The following FAAH2 variants were observed in gnomAD, a reference collection of about 807,000 sequenced individuals.
FAAH2 encodes fatty acid amide hydrolase 2.
In FAAH2, 60 loss-of-function variants were observed where a neutral mutation model predicts 36.9. That is an observed-to-expected ratio of 1.63 (90% CI 1.32 to 2.02). The LOEUF (loss-of-function observed/expected upper bound fraction) is 2.02. FAAH2 is among the 30% of genes most tolerant of loss of function. FAAH2 has a pLI of 0.00. For missense variants in FAAH2, 689 were observed against 397.5 expected, an observed-to-expected ratio of 1.73 and a Z score of -6.23; for synonymous variants, 214 against 143.8, an observed-to-expected ratio of 1.49 and a Z score of -3.49.
At chrX:57,486,993 A>C (rs1237440113) in intron 10 of FAAH2, among the ~76,000 whole-genome samples, 1 of 111,755 alleles carries the variant, frequency 8.9e-6, no homozygotes, top group East Asian at 2.8e-4. Context: ...CTCTCAATTT[A>C]CTTTTAATAA....
At chrX:57,470,551 A>T (rs779602453) in intron 10 of FAAH2, among the ~76,000 whole-genome samples, 2 of 111,414 alleles carry the variant, frequency 1.8e-5, no homozygotes, top group East Asian at 5.7e-4. Context: ...AACCAGGAAG[A>T]ACATGAATCC....
chrX:57,233,928 G>C, the FAAH2 span, among the ~76,000 whole-genome samples: 1 of 113,201 alleles, frequency 8.8e-6, no homozygotes, highest in Admixed American at 9.3e-5. Context: ...TTACAGGCAT[G>C]AGCCATTGTG....
chrX:57,149,720 A>T, the FAAH2 span, among the ~76,000 whole-genome samples: 3 of 111,088 alleles, frequency 2.7e-5, no homozygotes, highest in African/African-American at 9.8e-5. Flanking sequence ...TCCTGGATTC[A>T]TTAATTTTTT....
At chrX:57,465,145 G>A (rs2057027462) in intron 10 of FAAH2, among the ~76,000 whole-genome samples, 2 of 111,372 alleles carry the variant, frequency 1.8e-5, no homozygotes, top group South Asian at 7.4e-4. Context: ...TTAAATGGAA[G>A]AATAAAGAGG....
upstream of FAAH2, among the ~76,000 whole-genome samples, chrX:57,283,088 T>C (rs1024349775): frequency 1.8e-5 from 2 of 112,055 alleles, no homozygotes; most frequent in Admixed American, 9.4e-5. Flanking sequence ...GCCCAAGCCA[T>C]GGGAACCTGC....
chrX:57,325,320 CCAGG>C, intron 3 of FAAH2, among the ~76,000 whole-genome samples: 1 of 111,089 alleles, frequency 9.0e-6, no homozygotes, highest in South Asian at 3.8e-4. Flanking sequence ...TGTGTCTCTG[CCAGG>C]CTTTGGTATC....
the FAAH2 span, among the ~76,000 whole-genome samples, chrX:57,209,865 TG>T: frequency 8.1e-5 from 9 of 111,000 alleles, 1 homozygote; most frequent in South Asian, 3.1e-3. Context: ...TTTGAACTGC[TG>T]GTATTGGCGA....
chrX:57,226,363 ATATT>A, the FAAH2 span, among the ~76,000 whole-genome samples: 1 of 111,872 alleles, frequency 8.9e-6, no homozygotes, highest in Non-Finnish European at 1.9e-5. Context: ...AATTCTCTCA[ATATT>A]TGTTTGTCTG....
the FAAH2 span, among the ~76,000 whole-genome samples, chrX:57,257,502 A>G: frequency 3.7e-5 from 4 of 109,483 alleles, no homozygotes; most frequent in African/African-American, 1.3e-4. Flanking sequence ...ATGAGAACAC[A>G]TGGACACAGG....
intron 8 of FAAH2, among the ~76,000 whole-genome samples, chrX:57,444,103 C>G (rs964721609): frequency 1.8e-4 from 20 of 111,967 alleles, no homozygotes; most frequent in Non-Finnish European, 3.6e-4. Flanking sequence ...AGATCTCAAA[C>G]TGCATGCTGG....
chrX:57,216,126 A>G, the FAAH2 span, among the ~76,000 whole-genome samples: 2 of 107,815 alleles, frequency 1.9e-5, no homozygotes, highest in Non-Finnish European at 3.8e-5. Flanking sequence ...TTTTTTTTAA[A>G]TTTTGTTTTT....
At chrX:57,435,491 G>T (rs1419708692) in intron 8 of FAAH2, among the ~76,000 whole-genome samples, 1 of 110,079 alleles carries the variant, frequency 9.1e-6, no homozygotes, top group Non-Finnish European at 1.9e-5. Context: ...TGAGAGAAAA[G>T]GGTTGAAAAA....
At chrX:57,468,175 T>TA (rs2057087039) in intron 10 of FAAH2, among the ~76,000 whole-genome samples, 1 of 111,396 alleles carries the variant, frequency 9.0e-6, no homozygotes. Context: ...CTGAAAATTC[T>TA]AAAAATCAGA....
chrX:57,446,043 C>G lies in FAAH2; in HGVS notation c.1117-885C>G, dbSNP rs747183453. ...CTCATTCAGAACTGCTCTAAATGTT[C>G]CCTGCTTTGGTGCTAGCATAATTTT... is the stretch of plus-strand genomic sequence containing the variant. On this transcript the variant is annotated intron_variant, in intron 8 of 10. Transcript: ENST00000374900. Among the ~76,000 whole-genome samples the G allele has an allele frequency of 8.0e-5, 9 of 112,427 alleles. 1 individual carries two copies. The Admixed American group carries it at 8.5e-4, about 11-fold the overall frequency.
the FAAH2 span, among the ~76,000 whole-genome samples, chrX:57,124,613 A>G: frequency 1.8e-5 from 2 of 111,701 alleles, no homozygotes; most frequent in Non-Finnish European, 3.8e-5. Flanking sequence ...CATTTTCACG[A>G]TATTGATTCT....
At chrX:57,284,396 AAACAACAAC>A (rs201402751), upstream of FAAH2, among the ~76,000 whole-genome samples, 2 of 107,108 alleles carry the variant, frequency 1.9e-5, no homozygotes, top group Non-Finnish European at 3.8e-5. Context: ...TAACAAAACA[AAACAACAAC>A]AACAACAACA....
intron 7 of FAAH2, among the ~76,000 whole-genome samples, chrX:57,395,908 TTAAG>T (rs2055283689): frequency 8.9e-6 from 1 of 112,018 alleles, no homozygotes; most frequent in Non-Finnish European, 1.9e-5. Context: ...TTGGCATAAT[TTAAG>T]TAAGATTGGG....
intron 7 of FAAH2, among the ~76,000 whole-genome samples, chrX:57,422,549 C>T (rs936731042): frequency 1.8e-5 from 2 of 111,765 alleles, no homozygotes; most frequent in African/African-American, 6.5e-5. Context: ...TTCATGGACT[C>T]ACTGTACACG....
chrX:57,466,519 G>A (rs1355447952), intron 10 of FAAH2, among the ~76,000 whole-genome samples: 1 of 108,569 alleles, frequency 9.2e-6, no homozygotes, highest in East Asian at 2.9e-4. Flanking sequence ...AGCAAATCAG[G>A]TATATAAATA....
Sources: allele counts gnomAD v4.1 joint callset (sites outside exome capture counted in the v4.1 genomes callset), GRCh38; gene constraint gnomAD v4.1.1; transcripts MANE v1.5; gene names NCBI Gene and HGNC (gene_info 2026-07-23, HGNC 2026-07-21).